Variants in SLC24A2 observed in about 807,000 individuals in gnomAD.
SLC24A2 encodes the protein sodium/potassium/calcium exchanger 2.
SLC24A2 carries 36 observed loss-of-function variants against 62.0 expected under a neutral mutation model. That is an observed-to-expected ratio of 0.58 (90% CI 0.44 to 0.77). The LOEUF is 0.77. SLC24A2 is among the 30% of genes least tolerant of loss of function. The pLI is 0.00. For missense variants in SLC24A2, 846 were observed against 817.9 expected, an observed-to-expected ratio of 1.03 and a Z score of -0.42; for synonymous variants, 358 against 294.0, an observed-to-expected ratio of 1.22 and a Z score of -2.23.
chr9:19,573,524 A>T, intron 6 of SLC24A2, 55 bp from the exon 7 acceptor site: 1 of 391,634 alleles, frequency 2.6e-6, no homozygotes, highest in Non-Finnish European at 4.1e-6. Flanking sequence ...ACACACACAC[A>T]CACACAGAGA....
At chr9:19,871,803 A>G in the SLC24A2 span, among the ~76,000 whole-genome samples, 1 of 152,196 alleles carries the variant, frequency 6.6e-6, no homozygotes, top group African/African-American at 2.4e-5. Context: ...AGAATTTGGG[A>G]TATTATCTGG....
the SLC24A2 span, among the ~76,000 whole-genome samples, chr9:19,830,406 G>A: frequency 6.6e-6 from 1 of 152,130 alleles, no homozygotes; most frequent in East Asian, 1.9e-4. Flanking sequence ...GCATTAATTT[G>A]TTAGATTCTC....
At chr9:19,665,019 T>C (rs1174226102) in intron 2 of SLC24A2, among the ~76,000 whole-genome samples, 2 of 152,206 alleles carry the variant, frequency 1.3e-5, no homozygotes, top group Non-Finnish European at 2.9e-5. Context: ...CCAGGTTTGC[T>C]GATTCTAAGG....
chr9:20,271,977 AG>A, the SLC24A2 span, among the ~76,000 whole-genome samples: 43,756 of 152,106 alleles, frequency 0.29, 6,518 homozygotes, highest in South Asian at 0.41. Context: ...GGAGGGGGAA[AG>A]GTTAAACTAT....
At chr9:19,841,908 G>A in the SLC24A2 span, among the ~76,000 whole-genome samples, 1 of 152,192 alleles carries the variant, frequency 6.6e-6, no homozygotes, top group African/African-American at 2.4e-5. Flanking sequence ...TATGGTGGCA[G>A]GGATGGAGGC....
chr9:19,816,596 T>G, the SLC24A2 span, among the ~76,000 whole-genome samples: 1 of 152,106 alleles, frequency 6.6e-6, no homozygotes, highest in African/African-American at 2.4e-5. Context: ...TGGCTCATAG[T>G]TCTGCAGGCT....
the SLC24A2 span, among the ~76,000 whole-genome samples, chr9:19,911,460 A>T: frequency 6.6e-6 from 1 of 152,124 alleles, no homozygotes. Flanking sequence ...GTCAAATGGT[A>T]TTTCTAGTTC....
chr9:20,239,877 CTTT>C, the SLC24A2 span, among the ~76,000 whole-genome samples: 3 of 144,018 alleles, frequency 2.1e-5, no homozygotes. Context: ...TGCCTTCTGG[CTTT>C]TTTTTTTTTT....
chr9:20,071,373 C>G, the SLC24A2 span, among the ~76,000 whole-genome samples: 681 of 152,184 alleles, frequency 4.5e-3, 3 homozygotes, highest in Middle Eastern at 0.044. Flanking sequence ...TCATTACTAC[C>G]ATGAACAATG....
At chr9:19,531,006 A>G (rs977648964) in intron 8 of SLC24A2, among the ~76,000 whole-genome samples, 7 of 152,162 alleles carry the variant, frequency 4.6e-5, no homozygotes, top group African/African-American at 1.7e-4. Flanking sequence ...CATAATGATC[A>G]TGATCATGAT....
chr9:19,731,601 G>C (rs966347189), intron 2 of SLC24A2, among the ~76,000 whole-genome samples: 2 of 151,952 alleles, frequency 1.3e-5, no homozygotes, highest in Non-Finnish European at 2.9e-5. Context: ...GAACATCTAT[G>C]AGCTAGAAGA....
chr9:19,517,910 AACACACACACACACACACACACACAC>A (rs56840950), intron 10 of SLC24A2, among the ~76,000 whole-genome samples: 8 of 131,630 alleles, frequency 6.1e-5, no homozygotes, highest in Admixed American at 8.0e-5. Flanking sequence ...TTCTTATTAA[AACACACACACACACACACACACACAC>A]ACACACACAC....
At chr9:20,144,282 AT>A in the SLC24A2 span, among the ~76,000 whole-genome samples, 2 of 152,126 alleles carry the variant, frequency 1.3e-5, no homozygotes, top group Admixed American at 6.5e-5. Flanking sequence ...CTGTACAATA[AT>A]TTTTTTATGT....
chr9:19,841,280 G>T, the SLC24A2 span, among the ~76,000 whole-genome samples: 2 of 152,098 alleles, frequency 1.3e-5, no homozygotes, highest in African/African-American at 4.8e-5. Context: ...GTAAAATAAG[G>T]CAGAGAAGGG....
At chr9:20,147,657 T>C in the SLC24A2 span, among the ~76,000 whole-genome samples, 1 of 152,050 alleles carries the variant, frequency 6.6e-6, no homozygotes, top group Non-Finnish European at 1.5e-5. Flanking sequence ...ATATGTTTAT[T>C]ACAAGAAAAG....
chr9:19,611,355 A>T (rs1165629292), intron 4 of SLC24A2, among the ~76,000 whole-genome samples: 3 of 146,610 alleles, frequency 2.0e-5, no homozygotes, highest in African/African-American at 5.0e-5. Context: ...GAAGGGAGGA[A>T]GGTGAGAGAC....
At chr9:20,135,803 A>G in the SLC24A2 span, among the ~76,000 whole-genome samples, 2 of 152,136 alleles carry the variant, frequency 1.3e-5, no homozygotes, top group Non-Finnish European at 2.9e-5. Context: ...AAATATATTC[A>G]TATATTTCGT....
chr9:19,522,564 G>C (rs1833253837), intron 9 of SLC24A2, among the ~76,000 whole-genome samples: 1 of 152,076 alleles, frequency 6.6e-6, no homozygotes, highest in Non-Finnish European at 1.5e-5. Flanking sequence ...GCATATTTTT[G>C]TTTTGATGGT....
intron 2 of SLC24A2, among the ~76,000 whole-genome samples, chr9:19,636,371 C>CTT (rs1405871064): frequency 6.0e-5 from 2 of 33,548 alleles, no homozygotes; most frequent in African/African-American, 2.6e-4. Flanking sequence ...TTCTTTCTTT[C>CTT]TTTCTTTCTT....
Sources: gnomAD v4.1 joint callset for allele counts (sites outside exome capture counted in the v4.1 genomes callset) on GRCh38, gnomAD v4.1.1 for gene constraint, MANE v1.5 for transcripts, NCBI Gene and HGNC (gene_info 2026-07-23, HGNC 2026-07-21) for gene names.